The following COL11A1 variants were observed in gnomAD, a reference collection of about 807,000 sequenced individuals.
COL11A1 encodes collagen type XI alpha 1 chain, also known as collagen alpha-1(XI) chain.
Under a neutral mutation model 265.2 loss-of-function variants are expected in COL11A1, and 74 were observed. The observed-to-expected ratio is 0.28, with a 90% confidence interval of 0.23 to 0.34. The LOEUF is 0.34. COL11A1 is among the 10% of genes least tolerant of loss of function. The pLI, the probability that COL11A1 is intolerant of heterozygous loss-of-function variation, is 1.00. For synonymous variants in COL11A1, 816 were observed against 727.6 expected (o/e 1.12, Z -1.96); for missense variants, 2,165 against 2,263.6 (o/e 0.96, Z 0.88).
chr1:102,979,478 C>T (rs1662828830), intron 31 of COL11A1, 43 bp from the exon 32 acceptor site: 1 of 1,262,618 alleles, frequency 7.9e-7, no homozygotes, highest in African/African-American at 1.5e-5. Flanking sequence ...TGGCAATTAA[C>T]ATTTTCAGTC....
At chr1:103,000,832 C>G (rs1033534362) in intron 24 of COL11A1, among the ~76,000 whole-genome samples, 1 of 151,716 alleles carries the variant, frequency 6.6e-6, no homozygotes. Context: ...TGGAGAATAG[C>G]GAAAAAGTAT....
chr1:103,015,393 C>T lies in COL11A1; in HGVS notation c.1488+275G>A, dbSNP rs12064207. Among the ~76,000 whole-genome samples, 3,494 of 151,884 alleles carry T rather than the reference C, an allele frequency of 0.023. 153 individuals carry two copies. The highest frequency in any genetic ancestry group is 0.08 in the African/African-American group (3,328 of 41,442). On this transcript the variant is annotated intron_variant, in intron 12 of 66. Coordinates refer to ENST00000370096, the MANE Select transcript of COL11A1 (RefSeq NM_001854.4). ...ATAACATATGAAAAACATGTTAATA[C>T]TGTGACTCAGGATAAACCACAATTG...
intron 57 of COL11A1, among the ~76,000 whole-genome samples, chr1:102,891,114 A>G (rs979117415): frequency 2.0e-5 from 3 of 152,010 alleles, no homozygotes; most frequent in African/African-American, 4.8e-5. Context: ...GCCATGGCCA[A>G]TTTTCTGAAT....
intron 9 of COL11A1, among the ~76,000 whole-genome samples, chr1:103,020,892 A>G (rs970135820): frequency 7.2e-6 from 1 of 138,298 alleles, no homozygotes; most frequent in African/African-American, 2.6e-5. Context: ...CAAAGGTCAG[A>G]TAGTTGTAGA....
intron 41 of COL11A1, among the ~76,000 whole-genome samples, chr1:102,955,773 A>C (rs571688743): frequency 6.6e-6 from 1 of 152,298 alleles, no homozygotes; most frequent in African/African-American, 2.4e-5. Context: ...GTTTACATAC[A>C]TAGAAAACAT....
At chr1:102,930,106 T>C (rs1657209637) in intron 46 of COL11A1, among the ~76,000 whole-genome samples, 1 of 152,186 alleles carries the variant, frequency 6.6e-6, no homozygotes, top group Non-Finnish European at 1.5e-5. Context: ...CTAACTGCCC[T>C]GGCCAGAACT....
chr1:102,950,055 G>T lies in COL11A1; in HGVS notation c.3169-3099C>A, dbSNP rs375206248. Among the ~76,000 whole-genome samples the T allele has an allele frequency of 5.3e-5, 8 of 152,060 alleles. No homozygotes were observed. In the East Asian group the frequency reaches 5.8e-4, roughly 11 times the overall value. On this transcript the variant is annotated intron_variant, in intron 41 of 66. Transcript: ENST00000370096. ...TCATGCCTGTAATCTCAGCACTTTG[G>T]GAGGCCAAGGTGGGCAGATTGCTTG...
intron 9 of COL11A1, among the ~76,000 whole-genome samples, chr1:103,021,058 G>T (rs868823108): frequency 6.7e-6 from 1 of 148,506 alleles, no homozygotes; most frequent in Admixed American, 6.7e-5. Flanking sequence ...TTTCTGAAAT[G>T]ATTTTCGTGT....
chr1:102,966,473 A>G (rs1267002366), intron 37 of COL11A1, among the ~76,000 whole-genome samples: 1 of 152,214 alleles, frequency 6.6e-6, no homozygotes, highest in Non-Finnish European at 1.5e-5. Context: ...AAGTAGGTAA[A>G]GAGTCTGTAA....
At chr1:102,985,705 G>T (rs1663470953) in intron 30 of COL11A1, among the ~76,000 whole-genome samples, 1 of 152,154 alleles carries the variant, frequency 6.6e-6, no homozygotes, top group Non-Finnish European at 1.5e-5. Flanking sequence ...GAAAAGAACT[G>T]TGGGGTAGTT....
intron 57 of COL11A1, among the ~76,000 whole-genome samples, chr1:102,896,600 T>A (rs1371651050): frequency 6.6e-6 from 1 of 152,208 alleles, no homozygotes. Flanking sequence ...AGCCCACTTC[T>A]GATGTTTATC....
At chr1:103,007,227 A>T (rs1318047256) in intron 15 of COL11A1, among the ~76,000 whole-genome samples, 4 of 152,200 alleles carry the variant, frequency 2.6e-5, no homozygotes, top group Admixed American at 6.5e-5. Context: ...CCTGAAGCAA[A>T]TTATTGACTG....
chr1:103,044,163 C>T (rs1669057034), intron 4 of COL11A1, among the ~76,000 whole-genome samples: 1 of 139,902 alleles, frequency 7.1e-6, no homozygotes, highest in South Asian at 2.2e-4. Flanking sequence ...TAACTCTCAC[C>T]AGTTTTTTTT....
chr1:103,085,301 G>C (rs1672760166), intron 1 of COL11A1, among the ~76,000 whole-genome samples: 1 of 152,092 alleles, frequency 6.6e-6, no homozygotes, highest in Non-Finnish European at 1.5e-5. Context: ...CAAATGGCTG[G>C]AGCCCAACCC....
chr1:103,095,198 A>G (rs1418025535), intron 1 of COL11A1, among the ~76,000 whole-genome samples: 1 of 152,120 alleles, frequency 6.6e-6, no homozygotes, highest in Non-Finnish European at 1.5e-5. Flanking sequence ...ATTATTGGAT[A>G]TAGATGACCT....
chr1:102,898,454 T>A (rs545127568), intron 56 of COL11A1, among the ~76,000 whole-genome samples: 3 of 151,940 alleles, frequency 2.0e-5, no homozygotes, highest in Non-Finnish European at 4.4e-5. Flanking sequence ...TATTTTCTCT[T>A]TATAAGTTAG....
At chr1:103,012,671 C>A (rs41302788) in intron 13 of COL11A1, among the ~76,000 whole-genome samples, 1 of 152,190 alleles carries the variant, frequency 6.6e-6, no homozygotes, top group Non-Finnish European at 1.5e-5. Context: ...ATTTTAAAAA[C>A]TTTTTAACAT....
At chr1:102,930,558 T>G (rs1657279687) in intron 46 of COL11A1, among the ~76,000 whole-genome samples, 7 of 152,168 alleles carry the variant, frequency 4.6e-5, no homozygotes, top group Admixed American at 4.6e-4. Flanking sequence ...ATTCTCTTTT[T>G]TGGTTGTGTC....
chr1:103,025,905 T>A, intron 6 of COL11A1: 1 of 1,612,788 alleles, frequency 6.2e-7, no homozygotes, highest in African/African-American at 1.3e-5. Context: ...TTTCCTTTGA[T>A]TTAGTAGCCA....
Sources: allele counts gnomAD v4.1 joint callset (sites outside exome capture counted in the v4.1 genomes callset), GRCh38; gene constraint gnomAD v4.1.1; transcripts MANE v1.5; gene names NCBI Gene and HGNC (gene_info 2026-07-23, HGNC 2026-07-21).